The following KDM1B variants were observed in gnomAD, a reference collection of about 807,000 sequenced individuals.
The protein encoded by KDM1B is lysine demethylase 1B.
A neutral mutation model predicts 107.4 loss-of-function variants in KDM1B; 63 were observed. The observed-to-expected ratio is 0.59, with a 90% CI of 0.48 to 0.72. The LOEUF (loss-of-function observed/expected upper bound fraction) is 0.72. Among genes scored for constraint, KDM1B ranks in the 30% least tolerant of loss-of-function variants. The probability of loss-of-function intolerance (pLI) is 0.00; values close to 1 mark genes in which losing one functional copy is unlikely to be tolerated. For synonymous variants in KDM1B, 363 were observed against 363.9 expected, an observed-to-expected ratio of 1.00 and a Z score of 0.03; for missense variants, 749 against 1,020.8, an observed-to-expected ratio of 0.73 and a Z score of 3.63.
intron 8 of KDM1B, 145 bp from the exon 9 acceptor site, chr6:18,187,647 G>GT: frequency 1.6e-6 from 1 of 630,546 alleles, no homozygotes; most frequent in South Asian, 1.8e-5. Flanking sequence ...GTAGAGCTCT[G>GT]GAATAGAATT....
intron 9 of KDM1B, among the ~76,000 whole-genome samples, chr6:18,188,280 C>T (rs1787018465): frequency 6.6e-6 from 1 of 151,902 alleles, no homozygotes; most frequent in East Asian, 1.9e-4. Flanking sequence ...GATATAAAGC[C>T]CCTCATTATT....
chr6:18,208,587 A>G (rs370438961), intron 17 of KDM1B, among the ~76,000 whole-genome samples: 2 of 116,914 alleles, frequency 1.7e-5, no homozygotes, highest in East Asian at 5.3e-4. Context: ...ATAGGGTTAA[A>G]TAGAAGTATG....
chr6:18,207,920 A>G (rs1386509747), intron 16 of KDM1B, among the ~76,000 whole-genome samples: 4 of 152,196 alleles, frequency 2.6e-5, no homozygotes, highest in Non-Finnish European at 4.4e-5. Context: ...ACTATCTTCT[A>G]TATTCCGACA....
chr6:18,213,223 G>A lies in KDM1B; in HGVS notation c.1984-433G>A, dbSNP rs1488206167. Among the ~76,000 whole-genome samples the A allele has an allele frequency of 1.3e-5, 2 of 152,074 alleles. No individual in the cohort carries two copies. Among genetic ancestry groups the A allele is most frequent in the Non-Finnish European group, 2.9e-5 (2 of 68,014 alleles). On this transcript the variant is annotated intron_variant, in intron 18 of 21. Coordinates refer to ENST00000650836, the MANE Select transcript of KDM1B (RefSeq NM_001364614.2). This position sits in a 1 kb window ranked among gnomAD's most constrained non-coding sequence, Gnocchi z 5.9. ...AGGCTGAGGAGGATGGATTACCTGA[G>A]GTCAGGAGTTCAAGACCAGCCTGAC...
chr6:18,185,976 A>G (rs909065728), intron 8 of KDM1B, among the ~76,000 whole-genome samples, 166 bp downstream of exon 8: 2 of 152,230 alleles, frequency 1.3e-5, no homozygotes, highest in African/African-American at 4.8e-5. Flanking sequence ...AGCAATAGTG[A>G]TATTATGGGT....
At chr6:18,207,026 G>A (rs557900212) in intron 15 of KDM1B, among the ~76,000 whole-genome samples, 5 of 152,036 alleles carry the variant, frequency 3.3e-5, no homozygotes, top group African/African-American at 9.7e-5. Flanking sequence ...TTCCAAAATC[G>A]TGCAGGGTTT....
chr6:18,215,698 T>C (rs1365786250), intron 20 of KDM1B, among the ~76,000 whole-genome samples: 1 of 152,136 alleles, frequency 6.6e-6, no homozygotes, highest in African/African-American at 2.4e-5. Context: ...TTTTACACAA[T>C]TGTCTTCCTT....
chr6:18,183,707 C>T (rs551764516), intron 7 of KDM1B, among the ~76,000 whole-genome samples: 2 of 151,962 alleles, frequency 1.3e-5, no homozygotes, highest in African/African-American at 2.4e-5. Flanking sequence ...TTGCTCTTTT[C>T]GCTCAACATT....
chr6:18,168,271 C>G (rs988580707), intron 6 of KDM1B, among the ~76,000 whole-genome samples: 1 of 152,208 alleles, frequency 6.6e-6, no homozygotes, highest in Non-Finnish European at 1.5e-5. Context: ...CTAATTCTTG[C>G]TACCCCCAGT....
intron 7 of KDM1B, among the ~76,000 whole-genome samples, chr6:18,180,011 G>A (rs1029446473): frequency 2.0e-5 from 3 of 149,348 alleles, no homozygotes; most frequent in South Asian, 2.2e-4. Flanking sequence ...CTACAGGTGT[G>A]TGCCACTGTG....
intron 20 of KDM1B, 101 bp downstream of exon 20, chr6:18,215,230 G>A: frequency 7.5e-7 from 1 of 1,337,420 alleles, no homozygotes; most frequent in Non-Finnish European, 1.0e-6. Context: ...TCACAGGAAG[G>A]AAGGCAGAGG....
rs577815356 is a variant in KDM1B at position 18,212,176 on chromosome 6, C to T, written c.1867-312C>T. The T allele has an allele frequency of 1.5e-5, 4 of 263,904 alleles. No homozygotes were observed. Among genetic ancestry groups the T allele is most frequent in the Non-Finnish European group, 2.2e-5 (3 of 134,720 alleles). The allele number at this position is 263,904 out of a possible 1,614,324, so 16.3% of individuals were successfully genotyped here. A position where few individuals can be genotyped will look rare whatever the true frequency, so the allele number is the denominator to read the frequency against. On this transcript the variant is annotated intron_variant, in intron 17 of 21. Coordinates refer to ENST00000650836, the MANE Select transcript of KDM1B (RefSeq NM_001364614.2). The surrounding 1 kb of genome is among the most constrained non-coding windows in gnomAD (Gnocchi z 5.2). ...GCCAGGCTGGTCTTGAACTCCTGAC[C>T]TCAGGTGATCCACCCGCCTCGGCCT...
chr6:18,210,367 T>G (rs1273951783), intron 17 of KDM1B, among the ~76,000 whole-genome samples: 5 of 101,950 alleles, frequency 4.9e-5, no homozygotes, highest in East Asian at 3.3e-4. Context: ...TTTTTTTTTT[T>G]TTTTTGTTTT....
chr6:18,166,220 T>C (rs1785283087), intron 5 of KDM1B, 47 bp from the exon 6 acceptor site: 3 of 884,624 alleles, frequency 3.4e-6, no homozygotes, highest in East Asian at 2.5e-5. Context: ...TGATTGCTTA[T>C]AGCAATCGAT....
chr6:18,202,101 A>G (rs985653364), intron 14 of KDM1B, among the ~76,000 whole-genome samples: 2 of 152,120 alleles, frequency 1.3e-5, no homozygotes, highest in Admixed American at 1.3e-4. Context: ...AGAGTATTAC[A>G]GTTTAAGAAT....
At chr6:18,221,708 A>T (rs1789761474) in intron 21 of KDM1B, among the ~76,000 whole-genome samples, 1 of 152,218 alleles carries the variant, frequency 6.6e-6, no homozygotes, top group Non-Finnish European at 1.5e-5. Context: ...GTACTTCAAG[A>T]TAGCATACAA....
chr6:18,213,757 C>T lies in KDM1B; in HGVS notation c.2085C>T (p.Ala695=), dbSNP rs6903583. Residue 695 remains alanine, a synonymous_variant, in exon 19 of 22, where the codon GCC becomes GCT. Coordinates refer to ENST00000650836, the MANE Select transcript of KDM1B (RefSeq NM_001364614.2). This position sits in a 1 kb window ranked among gnomAD's most constrained non-coding sequence, Gnocchi z 5.9. ...PPSASKRGLF[A]VFYDMDPQKK... is the part of the protein sequence containing the mutation. ...GTGCCAGCAAGCGAGGGCTTTTTGC[C>T]GTGTTCTATGACATGGATCCCCAGG... is the stretch of plus-strand genomic sequence containing the variant. The T allele has an allele frequency of 0.21, 332,005 of 1,613,178 alleles. 35,981 individuals are homozygous for T. The highest frequency in any genetic ancestry group is 0.22 in the Non-Finnish European group (264,083 of 1,179,234).
rs1786986990 is a variant in KDM1B, at chr6:18,187,942, G to A, written c.724G>A (p.Ala242Thr). The change falls in exon 9 of 22, where the codon GCC (alanine) becomes ACC (threonine). Residue 242 changes from alanine to threonine, a missense_variant. By Grantham distance (58) the Ala-to-Thr change is moderately conservative. Coordinates refer to ENST00000650836, the MANE Select transcript of KDM1B (RefSeq NM_001364614.2). Reference sequence around the variant, plus strand: ...CTGCACCAGCACAAACCGCGCCGCTGCCACTGGCAATGCCAGCCCTGGGAA... The same window carrying A: ...CTGCACCAGCACAAACCGCGCCGCTACCACTGGCAATGCCAGCCCTGGGAA... ...PSCTSTNRAA[A>T]TGNASPGKLE... is the part of the protein sequence containing the mutation. 3.2e-6 allele frequency: 5 copies of A among 1,550,504 alleles called. No individual in the cohort carries two copies. The highest frequency in any genetic ancestry group is 4.4e-6 in the Non-Finnish European group (5 of 1,146,998).
At chr6:18,192,760 A>G (rs558950024) in intron 10 of KDM1B, among the ~76,000 whole-genome samples, 1 of 149,630 alleles carries the variant, frequency 6.7e-6, no homozygotes, top group Admixed American at 6.6e-5. Context: ...AATACAACAG[A>G]GAAACACCTT....
Sources: gnomAD v4.1 joint callset for allele counts (sites outside exome capture counted in the v4.1 genomes callset) on GRCh38, gnomAD v4.1.1 for gene constraint, Gnocchi (gnomAD v3.1) non-coding constraint, MANE v1.5 for transcripts, NCBI Gene and HGNC (gene_info 2026-07-23, HGNC 2026-07-21) for gene names.